RIC1: variants seen among roughly 807,000 people sequenced by gnomAD.
RIC1 encodes the protein guanine nucleotide exchange factor subunit RIC1.
A neutral mutation model predicts 169.0 loss-of-function variants in RIC1; 88 were observed. The observed-to-expected ratio is 0.52, with a 90% confidence interval of 0.44 to 0.62. RIC1 has a LOEUF of 0.62. Among genes scored for constraint, RIC1 ranks in the 20% least tolerant of loss-of-function variants. RIC1 has a pLI of 0.00. For missense variants in RIC1, 1,877 were observed against 1,725.5 expected (o/e 1.09, Z -1.56); for synonymous variants, 790 against 601.5 (o/e 1.31, Z -4.59).
rs766597897 is a variant in RIC1 at position 5,768,926 on chromosome 9, C to T, written c.3138-44C>T. Reference sequence around the variant, plus strand: ...CTGCGTAATAAGGATGTGAAATCCTCCAGTAAAGATTATTCTGTAGCTTTC... The same window carrying T: ...CTGCGTAATAAGGATGTGAAATCCTTCAGTAAAGATTATTCTGTAGCTTTC... On this transcript the variant is annotated intron_variant, in intron 21 of 25. Coordinates refer to ENST00000414202, the MANE Select transcript of RIC1 (RefSeq NM_020829.4). 3 of 1,556,006 alleles carry T rather than the reference C, an allele frequency of 1.9e-6. No homozygotes were observed. In the African/African-American group the frequency reaches 4.1e-5, roughly 21 times the overall value.
At chr9:5,741,287 C>A (rs529765945) in intron 8 of RIC1, among the ~76,000 whole-genome samples, 10 of 152,280 alleles carry the variant, frequency 6.6e-5, no homozygotes, top group African/African-American at 2.4e-4. Flanking sequence ...TGCAGTTCAA[C>A]TGTGATGTGG....
chr9:5,629,406 T>G lies in RIC1; in HGVS notation c.97T>G (p.Phe33Val). ...FHVQSDPQRA[F>V]FAVLAAARLS... ...CGTTCAGTCCGACCCGCAGAGGGCT[T>G]TCTTCGCCGTGCTGGCCGCGGCCCG... is the stretch of plus-strand genomic sequence containing the variant. The change falls in exon 1 of 26, where the codon TTC (phenylalanine) becomes GTC (valine). Residue 33 changes from phenylalanine to valine, a missense_variant. By Grantham distance (50) the Phe-to-Val change is conservative (BLOSUM62 -1). Around this residue, in one of 3 missense-constraint regions of RIC1, gnomAD observed 1,104 missense variants for 992.0 expected, o/e 1.11. Transcript: ENST00000414202. 2 of 1,533,660 alleles carry G rather than the reference T, an allele frequency of 1.3e-6. No homozygotes were observed. Among genetic ancestry groups the G allele is most frequent in the Non-Finnish European group, 1.7e-6 (2 of 1,145,942 alleles).
intron 4 of RIC1, among the ~76,000 whole-genome samples, chr9:5,714,749 T>C (rs757626050): frequency 4.8e-4 from 73 of 152,184 alleles, no homozygotes; most frequent in Non-Finnish European, 8.2e-4. Context: ...CTCCATCTTG[T>C]TTAAAAGAGA....
chr9:5,777,721 C>T (rs988325126), downstream of RIC1, among the ~76,000 whole-genome samples: 6 of 152,098 alleles, frequency 3.9e-5, no homozygotes, highest in African/African-American at 1.4e-4. Context: ...CGTGGCTATT[C>T]AATTGTCAGA....
At chr9:5,697,202 C>T (rs922065638) in intron 3 of RIC1, among the ~76,000 whole-genome samples, 1 of 152,226 alleles carries the variant, frequency 6.6e-6, no homozygotes, top group Admixed American at 6.5e-5. Context: ...GCTGCTTCTG[C>T]TTCTCTGAAC....
At chr9:5,695,567 A>G (rs1348062950) in intron 3 of RIC1, among the ~76,000 whole-genome samples, 1 of 140,188 alleles carries the variant, frequency 7.1e-6, no homozygotes, top group South Asian at 2.4e-4. Flanking sequence ...GATTATTATT[A>G]TATCTTTTTT....
chr9:5,738,349 C>T lies in RIC1; in HGVS notation c.813-101C>T, dbSNP rs756767212. The T allele has an allele frequency of 1.1e-5, 8 of 743,588 alleles. No homozygotes were observed. In the East Asian group the frequency reaches 1.9e-4, roughly 18 times the overall value. The allele number at this position is 743,588 out of a possible 1,614,324, so 46.1% of individuals were successfully genotyped here. On this transcript the variant is annotated intron_variant, in intron 7 of 25. Coordinates refer to ENST00000414202, the MANE Select transcript of RIC1 (RefSeq NM_020829.4). ...AACTTATTGACAAAGTGGTTTTGTTCTAGTTTACACTCCCACCAGCAAAAC... is the reference window on the plus strand; with the variant it reads ...AACTTATTGACAAAGTGGTTTTGTTTTAGTTTACACTCCCACCAGCAAAAC...
At chr9:5,764,128 TGAA>T (rs1168235346) in intron 19 of RIC1, among the ~76,000 whole-genome samples, 1 of 152,090 alleles carries the variant, frequency 6.6e-6, no homozygotes, top group Non-Finnish European at 1.5e-5. Flanking sequence ...TTTAATATAT[TGAA>T]GAAATTTAAT....
At chr9:5,698,038 C>G (rs887277082) in intron 3 of RIC1, among the ~76,000 whole-genome samples, 1 of 152,170 alleles carries the variant, frequency 6.6e-6, no homozygotes, top group Non-Finnish European at 1.5e-5. Context: ...AGGAAAAACA[C>G]TATAATTAAT....
chr9:5,736,817 A>G (rs1824738564), intron 7 of RIC1, among the ~76,000 whole-genome samples: 1 of 152,188 alleles, frequency 6.6e-6, no homozygotes, highest in African/African-American at 2.4e-5. Flanking sequence ...AACACAGAAA[A>G]AAAAGAAAAC....
chr9:5,695,571 CTT>C (rs539521445), intron 3 of RIC1, among the ~76,000 whole-genome samples: 33,603 of 127,414 alleles, frequency 0.26, 3,353 homozygotes, highest in East Asian at 0.53. Flanking sequence ...ATTATTATAT[CTT>C]TTTTTTTTTT....
intron 17 of RIC1, among the ~76,000 whole-genome samples, chr9:5,758,081 C>T (rs1460894729): frequency 6.6e-6 from 1 of 152,056 alleles, no homozygotes; most frequent in Non-Finnish European, 1.5e-5. Flanking sequence ...TTGTAATGAT[C>T]TAGGTCAGTG....
intron 16 of RIC1, 68 bp downstream of exon 16, chr9:5,756,440 G>T (rs1586698492): frequency 3.6e-6 from 4 of 1,099,376 alleles, no homozygotes; most frequent in Non-Finnish European, 3.6e-6. Context: ...TGTAGTTTTT[G>T]TTTTCTCAAA....
intron 2 of RIC1, among the ~76,000 whole-genome samples, chr9:5,663,687 T>C (rs1819587758): frequency 6.6e-6 from 1 of 152,200 alleles, no homozygotes; most frequent in Non-Finnish European, 1.5e-5. Flanking sequence ...ATCCCTTTAT[T>C]TTGGGATGTG....
At chr9:5,761,909 A>G (rs1257647240) in intron 17 of RIC1, among the ~76,000 whole-genome samples, 1 of 152,244 alleles carries the variant, frequency 6.6e-6, no homozygotes, top group East Asian at 1.9e-4. Context: ...TCTGAAGTCA[A>G]CACCCATGAA....
At chr9:5,639,507 A>ATT (rs1818133229) in intron 1 of RIC1, among the ~76,000 whole-genome samples, 2 of 152,244 alleles carry the variant, frequency 1.3e-5, no homozygotes, top group South Asian at 4.1e-4. Flanking sequence ...GTGACCTATC[A>ATT]TATGAGCAAT....
chr9:5,736,817 AAAAAG>A (rs1310994764), intron 7 of RIC1, among the ~76,000 whole-genome samples: 1 of 152,188 alleles, frequency 6.6e-6, no homozygotes, highest in Admixed American at 6.5e-5. Flanking sequence ...AACACAGAAA[AAAAAG>A]AAAACAAAAA....
intron 4 of RIC1, among the ~76,000 whole-genome samples, chr9:5,716,956 C>G (rs567884800): frequency 6.6e-6 from 1 of 152,334 alleles, no homozygotes; most frequent in East Asian, 1.9e-4. Context: ...TAGGCACAAG[C>G]CACCACGCCT....
chr9:5,666,876 C>G (rs1819803397), intron 2 of RIC1, among the ~76,000 whole-genome samples: 1 of 152,144 alleles, frequency 6.6e-6, no homozygotes, highest in African/African-American at 2.4e-5. Flanking sequence ...TCTGGCTTGT[C>G]TGATTTGTTG....
Sources: gnomAD v4.1 joint callset for allele counts (sites outside exome capture counted in the v4.1 genomes callset) on GRCh38, gnomAD v4.1.1 for gene constraint, gnomAD v4.1.1 regional missense constraint, MANE v1.5 for transcripts, NCBI Gene and HGNC (gene_info 2026-07-23, HGNC 2026-07-21) for gene names.